NDRG2: variants seen among roughly 807,000 people sequenced by gnomAD.
The protein encoded by NDRG2 is protein NDRG2.
In NDRG2, 34 loss-of-function variants were observed where a neutral mutation model predicts 58.2. That is an observed-to-expected ratio of 0.58 (90% CI 0.44 to 0.78). NDRG2 has a LOEUF of 0.78. Ranked by LOEUF, NDRG2 falls within the 30% of genes least tolerant of loss-of-function variation. NDRG2 has a pLI of 0.00. For missense variants in NDRG2, 434 were observed against 471.2 expected, an observed-to-expected ratio of 0.92 and a Z score of 0.73; for synonymous variants, 187 against 175.9, an observed-to-expected ratio of 1.06 and a Z score of -0.50.
chr14:21,044,848 C>A (rs1885076551), intron 1 of NDRG2, among the ~76,000 whole-genome samples: 1 of 152,224 alleles, frequency 6.6e-6, no homozygotes, highest in Non-Finnish European at 1.5e-5. Context: ...CTATCCCTCC[C>A]CATCAACTCC....
In NDRG2 at chr14:21,068,248, C is replaced by T. The variant is rs1340285247; in HGVS notation, c.24+2580G>A. Among the ~76,000 whole-genome samples, 2 of 127,030 alleles carry T rather than the reference C, an allele frequency of 1.6e-5. 1 individual carries two copies. Among genetic ancestry groups the T allele is most frequent in the Non-Finnish European group, 3.5e-5 (2 of 56,968 alleles). The allele number at this position is 127,030 out of a possible 152,430, so 83.3% of individuals were successfully genotyped here. A position where few individuals can be genotyped will look rare whatever the true frequency, so the allele number is the denominator to read the frequency against. ...TCTCCTGACCTCGTGATCCGCCCGC[C>T]TCGGCCTCCCAAAGTGCTGGGATTA... On this transcript the variant is annotated intron_variant, in intron 1 of 14. Transcript: ENST00000403829.
chr14:21,034,013 G>C, intron 1 of NDRG2: 1 of 1,614,136 alleles, frequency 6.2e-7, no homozygotes, highest in Non-Finnish European at 8.5e-7. Context: ...AATTCTCACA[G>C]AAGCTGTCAC....
At chr14:21,057,872 C>G (rs554850777) in intron 1 of NDRG2, 2 of 1,604,580 alleles carry the variant, frequency 1.2e-6, no homozygotes, top group African/African-American at 2.7e-5. Context: ...TCACTCTGTT[C>G]CACTGTCTCC....
chr14:21,059,606 C>T (rs550460731), intron 1 of NDRG2, among the ~76,000 whole-genome samples: 189 of 152,170 alleles, frequency 1.2e-3, no homozygotes, highest in Admixed American at 3.0e-3. Context: ...GTGATCCTCC[C>T]GTCTCAGCCT....
chr14:21,061,679 C>T (rs1885970028), intron 1 of NDRG2, among the ~76,000 whole-genome samples: 1 of 152,198 alleles, frequency 6.6e-6, no homozygotes, highest in African/African-American at 2.4e-5. Context: ...TATGTTCTAA[C>T]ATCCAGAAAA....
At chr14:21,043,271 C>T (rs765714743) in intron 1 of NDRG2, 14 of 1,614,092 alleles carry the variant, frequency 8.7e-6, no homozygotes, top group African/African-American at 5.3e-5. Flanking sequence ...GCAAGAATGG[C>T]GATAAAAACT....
chr14:21,035,830 T>G, intron 1 of NDRG2: 1 of 456,200 alleles, frequency 2.2e-6, no homozygotes, highest in South Asian at 1.5e-5. Context: ...CTGAAAGTGA[T>G]CCTAGACCCC....
intron 1 of NDRG2, chr14:21,031,067 C>G (rs188573795): frequency 4.3e-6 from 7 of 1,614,130 alleles, no homozygotes; most frequent in Non-Finnish European, 5.9e-6. Context: ...AGTGAAGGAA[C>G]TGGGCCAGAA....
intron 6 of NDRG2, 189 bp from the exon 7 acceptor site, chr14:21,021,033 T>C (rs1240098029): frequency 1.4e-6 from 1 of 696,996 alleles, no homozygotes; most frequent in Admixed American, 2.0e-5. Flanking sequence ...GTAGTCAGGG[T>C]AGATACCTGA....
chr14:21,024,442 T>C lies in NDRG2; in HGVS notation c.-419A>G. 1 of 938,688 alleles carries C rather than the reference T, an allele frequency of 1.1e-6. No homozygotes were observed. 58.1% of individuals were successfully genotyped at this position (938,688 alleles called of 1,614,324 possible). A position where few individuals can be genotyped will look rare whatever the true frequency, so the allele number is the denominator to read the frequency against. The stretch of plus-strand genomic sequence containing the variant: ...AGTTAGTTACTACATTTGGCCTCAA[T>C]TTTCTATCTGCAGGGGGACTAAACG... On this transcript the variant is annotated 5_prime_UTR_variant, in exon 1 of 16. Transcript: ENST00000556147.
intron 1 of NDRG2, among the ~76,000 whole-genome samples, chr14:21,059,004 A>G: frequency 6.6e-6 from 1 of 152,252 alleles, no homozygotes; most frequent in South Asian, 2.1e-4. Flanking sequence ...GAGCAGGCAC[A>G]GTCTGGGAAG....
intron 1 of NDRG2, chr14:21,031,321 C>T: frequency 1.0e-6 from 1 of 997,220 alleles, no homozygotes; most frequent in Non-Finnish European, 1.4e-6. Flanking sequence ...AAAATGTGGC[C>T]CAGAGAAGGG....
In NDRG2 at chr14:21,024,949, G is replaced by T. The variant is rs2297062; in HGVS notation, c.-926C>A. ...TTCCCCCGAGCCTCCAGCTCCAGGG[G>T]ACGCGGATCAATCACACCGCCCGCC... On this transcript the variant is annotated 5_prime_UTR_variant, in exon 1 of 16. Transcript: ENST00000556147. 2 of 985,430 alleles carry T rather than the reference G, an allele frequency of 2.0e-6. No individual in the cohort carries two copies. Among genetic ancestry groups the T allele is most frequent in the African/African-American group, 1.7e-5 (1 of 57,212 alleles). 61.0% of individuals were successfully genotyped at this position (985,430 alleles called of 1,614,324 possible). A position where few individuals can be genotyped will look rare whatever the true frequency, so the allele number is the denominator to read the frequency against.
upstream of NDRG2, among the ~76,000 whole-genome samples, chr14:21,028,076 C>T (rs535781098): frequency 1.2e-4 from 19 of 152,282 alleles, no homozygotes; most frequent in South Asian, 3.9e-3. Flanking sequence ...GTCCACTCAG[C>T]TAGTAAATGA....
At chr14:21,029,766 T>G (rs1268448768), upstream of NDRG2, among the ~76,000 whole-genome samples, 1 of 152,168 alleles carries the variant, frequency 6.6e-6, no homozygotes, top group Non-Finnish European at 1.5e-5. Context: ...CCTTCTACCA[T>G]GTGAGGACAC....
upstream of NDRG2, chr14:21,030,816 A>G: frequency 1.3e-6 from 2 of 1,583,668 alleles, no homozygotes; most frequent in South Asian, 2.3e-5. Context: ...TGGCCACGGA[A>G]GGGTTCACGT....
intron 1 of NDRG2, among the ~76,000 whole-genome samples, chr14:21,046,712 T>G (rs146417841): frequency 2.2e-4 from 33 of 152,274 alleles, no homozygotes; most frequent in South Asian, 1.0e-3. Context: ...ACTAATAGCC[T>G]ATTGATCACC....
Position 21,018,567 on chromosome 14 carries a change from G to GACCCAGGA in NDRG2, c.814-71_814-64dup, listed in dbSNP as rs1878238320. ...CCACTGTGGCGCCTCCCCCGTAAGG[G>GACCCAGGA]ACCCAGGAACCCAGACCCCAGTCCC... On this transcript the variant is annotated intron_variant, in intron 12 of 15. Transcript: ENST00000556147. 7 of 1,592,382 alleles carry GACCCAGGA rather than the reference G, an allele frequency of 4.4e-6. No homozygotes were observed. The South Asian group carries it at 8.1e-5, about 18-fold the overall frequency.
chr14:21,022,879 G>A lies in NDRG2; in HGVS notation c.102C>T (p.Leu34=). 1 of 1,613,972 alleles carries A rather than the reference G, an allele frequency of 6.2e-7. No individual in the cohort carries two copies. Among genetic ancestry groups the A allele is most frequent in the Non-Finnish European group, 8.5e-7 (1 of 1,179,938 alleles). The change falls in exon 3 of 16, where the codon CTC becomes CTT. Residue 34 remains leucine (L), a synonymous_variant. Coordinates refer to ENST00000556147, the MANE Select transcript of NDRG2 (RefSeq NM_001320329.2). The part of the protein sequence containing the change: ...AKEAELAARI[L]LDQGQTHSVE... ...ACACTGTTACCTGTCCCTGGTCCAG[G>A]AGGATTCGGGCAGCTAACTCAGCCT...
Sources: gnomAD v4.1 joint callset for allele counts (sites outside exome capture counted in the v4.1 genomes callset) on GRCh38, gnomAD v4.1.1 for gene constraint, MANE v1.5 for transcripts, NCBI Gene and HGNC (gene_info 2026-07-23, HGNC 2026-07-21) for gene names.